The following BMPR1A variants were observed in gnomAD, a reference collection of about 807,000 sequenced individuals.
BMPR1A encodes bone morphogenetic protein receptor type 1A, also known as bone morphogenetic protein receptor type-1A.
BMPR1A carries 7 observed loss-of-function variants against 66.0 expected under a neutral mutation model. The ratio of observed to expected loss-of-function variants is 0.11; its 90% CI spans 0.06 to 0.20. The LOEUF is 0.20. Ranked by LOEUF, BMPR1A falls within the 10% of genes least tolerant of loss-of-function variation. BMPR1A has a pLI of 1.00. For synonymous variants in BMPR1A, 200 were observed against 229.7 expected, an observed-to-expected ratio of 0.87 and a Z score of 1.17; for missense variants, 408 against 669.1, an observed-to-expected ratio of 0.61 and a Z score of 4.31.
chr10:86,872,924 C>T (rs939838060), intron 2 of BMPR1A, among the ~76,000 whole-genome samples: 3 of 152,128 alleles, frequency 2.0e-5, no homozygotes, highest in Non-Finnish European at 4.4e-5. Context: ...GGCCTCATTC[C>T]AGTTTTAAAG....
chr10:86,813,305 G>A (rs961847159), intron 1 of BMPR1A, among the ~76,000 whole-genome samples: 1 of 152,002 alleles, frequency 6.6e-6, no homozygotes, highest in Non-Finnish European at 1.5e-5. Context: ...GAGACTTTCC[G>A]GGAACATCTT....
intron 1 of BMPR1A, among the ~76,000 whole-genome samples, chr10:86,789,895 G>A (rs1341247232): frequency 6.7e-6 from 1 of 149,588 alleles, no homozygotes; most frequent in African/African-American, 2.4e-5. Context: ...GGTGGCTCAC[G>A]CCTGTAATCC....
intron 1 of BMPR1A, among the ~76,000 whole-genome samples, chr10:86,763,640 G>A (rs557688938): frequency 9.6e-4 from 146 of 152,290 alleles, no homozygotes; most frequent in Non-Finnish European, 1.7e-3. Context: ...TATGGCTTAT[G>A]CCTGCGGTGC....
chr10:86,825,703 AC>A (rs1842183895), intron 1 of BMPR1A, among the ~76,000 whole-genome samples: 1 of 152,074 alleles, frequency 6.6e-6, no homozygotes, highest in African/African-American at 2.4e-5. Context: ...TCTTGAACTC[AC>A]GGGCTGAAGT....
At chr10:86,912,853 A>G (rs1198046705) in intron 8 of BMPR1A, among the ~76,000 whole-genome samples, 4 of 152,226 alleles carry the variant, frequency 2.6e-5, no homozygotes, top group African/African-American at 9.6e-5. Flanking sequence ...GCTTCTCTCA[A>G]TATACTACTA....
downstream of BMPR1A, chr10:86,929,294 T>C (rs916310876): frequency 2.0e-5 from 3 of 152,198 alleles, no homozygotes; most frequent in Admixed American, 1.3e-4. Flanking sequence ...TCATTCCTGC[T>C]AGCAGTTCAT....
chr10:86,773,066 G>A (rs1841289240), intron 1 of BMPR1A, among the ~76,000 whole-genome samples: 2 of 151,926 alleles, frequency 1.3e-5, no homozygotes, highest in South Asian at 4.2e-4. Context: ...AAATTTGTAG[G>A]GGTGGGGGTA....
At chr10:86,851,091 G>T (rs1236107869) in intron 2 of BMPR1A, among the ~76,000 whole-genome samples, 1 of 152,194 alleles carries the variant, frequency 6.6e-6, no homozygotes. Context: ...TCCATTTTAT[G>T]ATGTGAGTCT....
At chr10:86,839,798 C>T (rs1345096202) in intron 2 of BMPR1A, among the ~76,000 whole-genome samples, 1 of 151,816 alleles carries the variant, frequency 6.6e-6, no homozygotes, top group Non-Finnish European at 1.5e-5. Flanking sequence ...GCTGGGACTA[C>T]AGGCACACAT....
intron 2 of BMPR1A, among the ~76,000 whole-genome samples, chr10:86,858,214 CCT>C (rs1195591568): frequency 6.6e-6 from 1 of 152,066 alleles, no homozygotes; most frequent in Non-Finnish European, 1.5e-5. Flanking sequence ...CATGATGAAA[CCT>C]CTCAGCAAAC....
chr10:86,829,577 T>G (rs1001421239), intron 1 of BMPR1A, among the ~76,000 whole-genome samples: 12 of 152,244 alleles, frequency 7.9e-5, no homozygotes, highest in Admixed American at 2.0e-4. Context: ...AAGCTCTCCC[T>G]TGTGCTGCAC....
intron 2 of BMPR1A, among the ~76,000 whole-genome samples, chr10:86,849,958 A>G (rs927070850): frequency 2.6e-5 from 4 of 152,210 alleles, no homozygotes; most frequent in Non-Finnish European, 4.4e-5. Flanking sequence ...AGTAAATACT[A>G]CGAAGCATCC....
rs1554885982 is a variant in BMPR1A, at chr10:86,866,407, T to TTTC, written c.-152-9458_-152-9457insCTT. Among the ~76,000 whole-genome samples the TTTC allele has an allele frequency of 7.3e-5, 8 of 109,040 alleles. No homozygotes were observed. In the South Asian group the frequency reaches 1.3e-3, roughly 17 times the overall value. The allele number at this position is 109,040 out of a possible 152,430, so 71.5% of individuals were successfully genotyped here. ...GTTGGGCAAGTTTCTTTCTTTTTTT[T>TTTC]TTTTTTTTTTTTTTTTTTTGAGATG... On this transcript the variant is annotated intron_variant, in intron 2 of 12. Coordinates refer to ENST00000372037, the MANE Select transcript of BMPR1A (RefSeq NM_004329.3).
At chr10:86,859,640 T>G (rs755283500) in intron 2 of BMPR1A, among the ~76,000 whole-genome samples, 1 of 151,922 alleles carries the variant, frequency 6.6e-6, no homozygotes, top group Non-Finnish European at 1.5e-5. Context: ...GCCAACGCCA[T>G]CTCTACTAAA....
rs1841462133 is a variant in BMPR1A at position 86,783,151 on chromosome 10, G to C, written c.-268+26232G>C. Among the ~76,000 whole-genome samples, 3 of 152,270 alleles carry C rather than the reference G, an allele frequency of 2.0e-5. No individual in the cohort carries two copies. The South Asian group carries it at 6.2e-4, about 32-fold the overall frequency. On this transcript the variant is annotated intron_variant, in intron 1 of 12. Transcript: ENST00000372037. ...ATTCTTTCCCCATTGCGTAGTCTTG[G>C]CTCATCATTTGACCACATACACAGG...
At chr10:86,895,061 G>A (rs1843206811) in intron 5 of BMPR1A, among the ~76,000 whole-genome samples, 1 of 152,120 alleles carries the variant, frequency 6.6e-6, no homozygotes, top group South Asian at 2.1e-4. Flanking sequence ...GGTTCCAAAC[G>A]GTGTTGTAAT....
chr10:86,811,068 T>C (rs1011866991), intron 1 of BMPR1A, among the ~76,000 whole-genome samples: 4 of 152,202 alleles, frequency 2.6e-5, no homozygotes, highest in Non-Finnish European at 4.4e-5. Context: ...AGCCAGAGTA[T>C]TGCTCTGTTG....
intron 1 of BMPR1A, among the ~76,000 whole-genome samples, chr10:86,829,174 T>G (rs1589735644): frequency 6.6e-6 from 1 of 152,188 alleles, no homozygotes; most frequent in South Asian, 2.1e-4. Context: ...AATTGAAATT[T>G]CGTAGTGATT....
intron 1 of BMPR1A, among the ~76,000 whole-genome samples, chr10:86,805,232 T>C (rs1252846235): frequency 6.6e-6 from 1 of 152,178 alleles, no homozygotes; most frequent in Non-Finnish European, 1.5e-5. Context: ...TTCATTTTTA[T>C]TATTTTGAAA....
Sources: allele counts gnomAD v4.1 joint callset (sites outside exome capture counted in the v4.1 genomes callset), GRCh38; gene constraint gnomAD v4.1.1; transcripts MANE v1.5; gene names NCBI Gene and HGNC (gene_info 2026-07-23, HGNC 2026-07-21).